The following PRKN variants were observed in gnomAD, a reference collection of about 807,000 sequenced individuals.
The protein encoded by PRKN is E3 ubiquitin-protein ligase parkin.
PRKN carries 56 observed loss-of-function variants against 59.5 expected under a neutral mutation model. That is an observed-to-expected ratio of 0.94 (90% confidence interval 0.76 to 1.18). The LOEUF is 1.18. PRKN is among the 50% of genes most tolerant of loss of function. PRKN has a pLI of 0.00. For missense variants in PRKN, 657 were observed against 596.4 expected (o/e 1.10, Z -1.06); for synonymous variants, 250 against 222.1 (o/e 1.13, Z -1.12).
intron 2 of PRKN, among the ~76,000 whole-genome samples, chr6:162,350,060 C>T (rs1784561609): frequency 6.6e-6 from 1 of 152,006 alleles, no homozygotes; most frequent in Non-Finnish European, 1.5e-5. Flanking sequence ...TAGCAACAAA[C>T]TGTTGGAAAT....
At chr6:162,471,003 G>A (rs55755035) in intron 1 of PRKN, among the ~76,000 whole-genome samples, 44,660 of 151,362 alleles carry the variant, frequency 0.3, 6,828 homozygotes, top group East Asian at 0.44. Flanking sequence ...TTAGGTGATC[G>A]GCCAGCCTCG....
rs143941834 is a variant in PRKN, at chr6:162,219,475, A to G, written c.413-18223T>C. The stretch of plus-strand genomic sequence containing the variant: ...AGGCCAGCTGGATCTTTGCATAGAT[A>G]CTATATCTTGTTTCTGCCAGAGATG... On this transcript the variant is annotated intron_variant, in intron 3 of 11. Transcript: ENST00000366898. 8.4e-3 allele frequency among the ~76,000 whole-genome samples: 1,274 copies of G among 152,288 alleles called. 12 individuals are homozygous for G. The highest frequency in any genetic ancestry group is 0.014 in the Non-Finnish European group (937 of 68,016).
chr6:161,732,579 T>G (rs1787767408), intron 7 of PRKN, among the ~76,000 whole-genome samples: 1 of 152,106 alleles, frequency 6.6e-6, no homozygotes, highest in Admixed American at 6.6e-5. Flanking sequence ...ATGCATACAG[T>G]GTACACGATG....
rs1782831892 is a variant in PRKN at position 162,163,178 on chromosome 6, C to G, written c.534+37953G>C. ...ACAGTGATGCCAGTGTCTCTAACTT[C>G]CTGTATATGCCACGCTAGTTTCTGT... On this transcript the variant is annotated intron_variant, in intron 4 of 11. Transcript: ENST00000366898. Among the ~76,000 whole-genome samples, 4 of 149,136 alleles carry G rather than the reference C, an allele frequency of 2.7e-5. 1 individual carries two copies. In the South Asian group the frequency reaches 8.4e-4, roughly 31 times the overall value.
intron 1 of PRKN, among the ~76,000 whole-genome samples, chr6:162,567,831 A>C (rs768294882): frequency 2.3e-4 from 35 of 152,238 alleles, no homozygotes; most frequent in Non-Finnish European, 4.7e-4. Flanking sequence ...AAAAGGAACA[A>C]AACTGAAGGA....
intron 1 of PRKN, among the ~76,000 whole-genome samples, chr6:162,484,238 C>T (rs1419450639): frequency 3.3e-5 from 5 of 152,116 alleles, no homozygotes; most frequent in Admixed American, 2.0e-4. Context: ...GAAAGGTAAG[C>T]AGACTCTATT....
At chr6:162,536,602 GC>G (rs11302456) in intron 1 of PRKN, among the ~76,000 whole-genome samples, 73,524 of 151,612 alleles carry the variant, frequency 0.48, 18,971 homozygotes, top group Non-Finnish European at 0.58. Context: ...TCCTCTCATT[GC>G]CATCGATGCT....
At chr6:162,348,494 C>G (rs1302696735) in intron 2 of PRKN, among the ~76,000 whole-genome samples, 2 of 152,026 alleles carry the variant, frequency 1.3e-5, no homozygotes, top group African/African-American at 4.8e-5. Flanking sequence ...GATCTCAAAT[C>G]AATGACATTT....
chr6:161,519,740 T>A (rs1431753316), intron 9 of PRKN, among the ~76,000 whole-genome samples: 2 of 152,240 alleles, frequency 1.3e-5, no homozygotes, highest in African/African-American at 4.8e-5. Context: ...GGTAAGATCA[T>A]TTTTACATTT....
intron 7 of PRKN, among the ~76,000 whole-genome samples, chr6:161,782,702 T>C (rs1156933833): frequency 6.6e-6 from 1 of 152,028 alleles, no homozygotes; most frequent in Non-Finnish European, 1.5e-5. Context: ...GAGACCAGCC[T>C]GGTTAACATG....
chr6:162,166,285 T>C lies in PRKN; in HGVS notation c.534+34846A>G, dbSNP rs543608659. ...ATATTTTGCTGAATGGAAGAAGCCT[T>C]ACACCAGAGTAGAGACCACATGACT... On this transcript the variant is annotated intron_variant, in intron 4 of 11. Transcript: ENST00000366898. Among the ~76,000 whole-genome samples the C allele has an allele frequency of 7.2e-5, 11 of 152,176 alleles. No individual in the cohort carries two copies. The South Asian group carries it at 2.1e-3, about 29-fold the overall frequency.
chr6:162,496,580 C>T (rs1793072295), intron 1 of PRKN, among the ~76,000 whole-genome samples: 1 of 152,228 alleles, frequency 6.6e-6, no homozygotes, highest in African/African-American at 2.4e-5. Context: ...AAATCTCTCT[C>T]TCTCTCCTTA....
intron 6 of PRKN, among the ~76,000 whole-genome samples, chr6:161,946,382 C>T (rs1234044210): frequency 2.0e-5 from 2 of 99,604 alleles, no homozygotes; most frequent in Non-Finnish European, 4.3e-5. Context: ...AAATTGCATG[C>T]ACATCACACA....
intron 7 of PRKN, among the ~76,000 whole-genome samples, chr6:161,673,396 T>C (rs1434946474): frequency 6.6e-6 from 1 of 151,594 alleles, no homozygotes; most frequent in Non-Finnish European, 1.5e-5. Context: ...TGGGAAAGGG[T>C]TCCAGGCAGA....
At chr6:161,730,067 G>A (rs1270460903) in intron 7 of PRKN, among the ~76,000 whole-genome samples, 2 of 150,894 alleles carry the variant, frequency 1.3e-5, no homozygotes, top group Admixed American at 6.6e-5. Flanking sequence ...GCATTCTGAT[G>A]TGTTGCATTC....
At chr6:162,214,719 AATAG>A (rs1392453584) in intron 3 of PRKN, among the ~76,000 whole-genome samples, 4 of 152,186 alleles carry the variant, frequency 2.6e-5, no homozygotes, top group African/African-American at 9.6e-5. Context: ...TTAGTTGATA[AATAG>A]ATAGATAGAA....
intron 5 of PRKN, among the ~76,000 whole-genome samples, chr6:162,037,244 A>G (rs1783882365): frequency 6.6e-6 from 1 of 152,248 alleles, no homozygotes; most frequent in Non-Finnish European, 1.5e-5. Flanking sequence ...AATGAAATGT[A>G]GAGCAGCCTA....
rs149850549 is a variant in PRKN, at chr6:162,374,161, A to G, written c.171+69149T>C. Among the ~76,000 whole-genome samples the G allele has an allele frequency of 2.3e-3, 355 of 152,306 alleles. 1 individual carries two copies. The highest frequency in any genetic ancestry group is 4.0e-3 in the Non-Finnish European group (275 of 68,012). On this transcript the variant is annotated intron_variant, in intron 2 of 11. Coordinates refer to ENST00000366898, the MANE Select transcript of PRKN (RefSeq NM_004562.3). ...TTTAACAATTCTCTCTTTATGGTCA[A>G]CCTCCAAAAATCATGAGGGGTTAAC...
intron 6 of PRKN, among the ~76,000 whole-genome samples, chr6:161,915,492 AT>A (rs1268585087): frequency 6.6e-6 from 1 of 152,192 alleles, no homozygotes; most frequent in Non-Finnish European, 1.5e-5. Flanking sequence ...TTATCAAAAA[AT>A]TTCAAGCCTT....
Sources: allele counts gnomAD v4.1 joint callset (sites outside exome capture counted in the v4.1 genomes callset), GRCh38; gene constraint gnomAD v4.1.1; transcripts MANE v1.5; gene names NCBI Gene and HGNC (gene_info 2026-07-23, HGNC 2026-07-21).